Variants in EFNA1 observed in about 807,000 individuals in gnomAD.
EFNA1 encodes the protein ephrin A1, also known as ephrin-A1.
EFNA1 carries 8 observed loss-of-function variants against 23.2 expected under a neutral mutation model. The ratio of observed to expected loss-of-function variants is 0.34; its 90% CI spans 0.20 to 0.62. The LOEUF is 0.62. Among genes scored for constraint, EFNA1 ranks in the 20% least tolerant of loss-of-function variants. The pLI, the probability that EFNA1 is intolerant of heterozygous loss-of-function variation, is 0.75. For synonymous variants in EFNA1, 89 were observed against 98.6 expected, an observed-to-expected ratio of 0.90 and a Z score of 0.58; for missense variants, 217 against 260.0, an observed-to-expected ratio of 0.83 and a Z score of 1.14.
At chr1:155,132,274 G>C (rs1190173812) in intron 2 of EFNA1, among the ~76,000 whole-genome samples, 2 of 151,970 alleles carry the variant, frequency 1.3e-5, no homozygotes, top group Non-Finnish European at 2.9e-5. Context: ...TTGAGATGGA[G>C]TTTCACTCTT....
Position 155,134,069 on chromosome 1 carries a change from G to A in EFNA1, c.*2G>A. ...CTTCTGCTGCTGCAAACCCCGTGAA[G>A]GTGTATGCCACACCTGGCCTTAAAG... is the stretch of plus-strand genomic sequence containing the variant. On this transcript the variant is annotated 3_prime_UTR_variant, in exon 5 of 5. Coordinates refer to ENST00000368407, the MANE Select transcript of EFNA1 (RefSeq NM_004428.3). 6.2e-7 allele frequency: 1 copy of A among 1,613,788 alleles called. No individual in the cohort carries two copies. The highest frequency in any genetic ancestry group is 2.2e-5 in the East Asian group (1 of 44,868).
rs1191564755 is a variant in EFNA1 at position 155,131,375 on chromosome 1, G to C, written c.129G>C (p.Leu43=). ...RNEDYTIHVQ[L]NDYVDIICPH... ...AGGACTACACCATACATGTGCAGCT[G>C]AATGACTACGTGGACATCATCTGTC... Residue 43 remains leucine (L), a synonymous_variant, in exon 2 of 5, where the codon CTG becomes CTC. Transcript: ENST00000368407. The C allele has an allele frequency of 6.2e-7, 1 of 1,613,918 alleles. No individual in the cohort carries two copies. The highest frequency in any genetic ancestry group is 8.5e-7 in the Non-Finnish European group (1 of 1,179,828).
At chr1:155,131,071 T>G in intron 1 of EFNA1, 3 of 1,248,906 alleles carry the variant, frequency 2.4e-6, no homozygotes, top group South Asian at 2.5e-5. Context: ...ATCAGGGGGG[T>G]TATGGAAAAT....
intron 1 of EFNA1, chr1:155,129,470 A>C (rs1664173288): frequency 6.5e-6 from 1 of 152,902 alleles, no homozygotes. Context: ...TAAGTACAGC[A>C]GACTGTACCC....
rs746733925 is a variant in EFNA1, at chr1:155,131,548, C to T, written c.302C>T (p.Pro101Leu). ...QCNRPSAKHG[P>L]EKLSEKFQRF... ...AACCGGCCCAGTGCCAAGCATGGCC[C>T]GGAGAAGCTGTCTGAGAAGTTCCAG... The change falls in exon 2 of 5, where the codon CCG becomes CTG. Residue 101 changes from proline (P) to leucine (L), a missense_variant. Transcript: ENST00000368407. The T allele has an allele frequency of 1.5e-5, 25 of 1,613,746 alleles. No individual in the cohort carries two copies. Among genetic ancestry groups the T allele is most frequent in the Non-Finnish European group, 1.5e-5 (18 of 1,179,958 alleles).
chr1:155,133,308 T>C (rs1269084710), intron 2 of EFNA1, among the ~76,000 whole-genome samples, 195 bp from the exon 3 acceptor site: 1 of 152,084 alleles, frequency 6.6e-6, no homozygotes, highest in African/African-American at 2.4e-5. Flanking sequence ...CTGAGGGTTA[T>C]TTCCAAAGAA....
rs760306344 is a variant in EFNA1, at chr1:155,134,005, C to T, written c.556C>T (p.Arg186Cys). ...LHSIGHSAAPRLFPLAWTVLL... is the reference protein window; with the variant it reads ...LHSIGHSAAPCLFPLAWTVLL... ...TAGCATCGGTCACAGTGCTGCCCCACGCCTCTTCCCACTTGCCTGGACTGT... is the reference window on the plus strand; with the variant it reads ...TAGCATCGGTCACAGTGCTGCCCCATGCCTCTTCCCACTTGCCTGGACTGT... The change falls in exon 5 of 5, where the codon CGC (arginine) becomes TGC (cysteine). Residue 186 changes from arginine (R) to cysteine (C), a missense_variant. Physicochemically the swap from Arg to Cys is radical, Grantham distance 180. Coordinates refer to ENST00000368407, the MANE Select transcript of EFNA1 (RefSeq NM_004428.3). 17 of 1,614,040 alleles carry T rather than the reference C, an allele frequency of 1.1e-5. No homozygotes were observed. Among genetic ancestry groups the T allele is most frequent in the Admixed American group, 6.7e-5 (4 of 59,988 alleles).
intron 2 of EFNA1, among the ~76,000 whole-genome samples, chr1:155,133,011 A>G (rs1262773742): frequency 3.3e-5 from 5 of 151,366 alleles, no homozygotes; most frequent in South Asian, 2.1e-4. Context: ...CCCGGGTTCA[A>G]TTGATTCTTC....
intron 2 of EFNA1, among the ~76,000 whole-genome samples, chr1:155,132,041 T>C (rs1557786265): frequency 6.6e-6 from 1 of 151,854 alleles, no homozygotes; most frequent in Non-Finnish European, 1.5e-5. Flanking sequence ...TGGCCAGGCA[T>C]GAAGGCACAC....
At chr1:155,132,454 G>C (rs530408863) in intron 2 of EFNA1, among the ~76,000 whole-genome samples, 1 of 151,920 alleles carries the variant, frequency 6.6e-6, no homozygotes, top group East Asian at 2.0e-4. Context: ...CACCATGTTG[G>C]TCAGACTGGT....
intron 1 of EFNA1, chr1:155,130,476 A>G (rs1427085527): frequency 1.4e-5 from 13 of 900,642 alleles, no homozygotes; most frequent in East Asian, 1.5e-4. Flanking sequence ...AGGGGAGAGG[A>G]GGGGAGAGGG....
chr1:155,131,172 G>C, intron 1 of EFNA1, 167 bp from the exon 2 acceptor site: 1 of 1,351,410 alleles, frequency 7.4e-7, no homozygotes, highest in Non-Finnish European at 9.8e-7. Context: ...AGATGGCAGA[G>C]AGAAATGTAA....
rs1006322772 is a variant in EFNA1 at position 155,130,921 on chromosome 1, T to C, written c.93-418T>C. 7.1e-6 allele frequency: 7 copies of C among 985,218 alleles called. No individual in the cohort carries two copies. The East Asian group carries it at 3.4e-4, about 48-fold the overall frequency. The allele number at this position is 985,218 out of a possible 1,614,324, so 61.0% of individuals were successfully genotyped here. A position where few individuals can be genotyped will look rare whatever the true frequency, so the allele number is the denominator to read the frequency against. On this transcript the variant is annotated intron_variant, in intron 1 of 4. Coordinates refer to ENST00000368407, the MANE Select transcript of EFNA1 (RefSeq NM_004428.3). ...CTGGATTCTGATTACAGAATGGACC[T>C]GTGGGGGTCTCAGATTGAGGCCTAA...
intron 1 of EFNA1, chr1:155,131,058 A>G (rs955054918): frequency 1.6e-6 from 2 of 1,222,514 alleles, no homozygotes; most frequent in Non-Finnish European, 2.0e-6. Context: ...ATATCAGGTA[A>G]GTATCAGGGG....
At chr1:155,130,774 A>G (rs549228772) in intron 1 of EFNA1, 14 of 984,732 alleles carry the variant, frequency 1.4e-5, no homozygotes, top group South Asian at 4.7e-5. Flanking sequence ...TTTTGAGGAA[A>G]AGTGAAGCTG....
intron 1 of EFNA1, chr1:155,130,700 G>C: frequency 3.0e-6 from 3 of 985,336 alleles, no homozygotes; most frequent in Non-Finnish European, 3.6e-6. Context: ...TGAATGAATT[G>C]ATGAGAGTGA....
At position 155,130,229 on chromosome 1, in the gene EFNA1, G is replaced by C. The variant is rs915207034; in HGVS notation, c.93-1110G>C. Reference sequence around the variant, plus strand: ...CTCCCAGCCGTGGCCAGGGCTTTCAGTTCGAAGCAACTTAGCGCTAATTCT... The same window carrying C: ...CTCCCAGCCGTGGCCAGGGCTTTCACTTCGAAGCAACTTAGCGCTAATTCT... On this transcript the variant is annotated intron_variant, in intron 1 of 4. Transcript: ENST00000368407. 2.0e-5 allele frequency among the ~76,000 whole-genome samples: 3 copies of C among 152,210 alleles called. No individual in the cohort carries two copies. The South Asian group carries it at 6.2e-4, about 32-fold the overall frequency.
At chr1:155,133,467 G>T (rs1196417862) in intron 2 of EFNA1, 36 bp from the exon 3 acceptor site, 1 of 1,613,014 alleles carries the variant, frequency 6.2e-7, no homozygotes, top group Non-Finnish European at 8.5e-7. Context: ...TTCCAGCAAA[G>T]GTTTCTTATT....
At chr1:155,132,826 G>A (rs147032231) in intron 2 of EFNA1, among the ~76,000 whole-genome samples, 2,576 of 151,898 alleles carry the variant, frequency 0.017, 72 homozygotes, top group African/African-American at 0.059. Context: ...GGGAGACTCC[G>A]TTTCAAAAAG....
Sources: allele counts gnomAD v4.1 joint callset (sites outside exome capture counted in the v4.1 genomes callset), GRCh38; gene constraint gnomAD v4.1.1; transcripts MANE v1.5; gene names NCBI Gene and HGNC (gene_info 2026-07-23, HGNC 2026-07-21).